TYW1B: variants seen among roughly 807,000 people sequenced by gnomAD.
TYW1B encodes the protein tRNA-yW synthesizing protein 1 homolog B, also known as S-adenosyl-L-methionine-dependent tRNA 4-demethylwyosine synthase TYW1B.
In TYW1B, 73 loss-of-function variants were observed where a neutral mutation model predicts 86.9. The ratio of observed to expected loss-of-function variants is 0.84; its 90% CI spans 0.70 to 1.02. The LOEUF is 1.02. TYW1B is among the 50% of genes least tolerant of loss of function. The probability of loss-of-function intolerance (pLI) is 0.00; values close to 1 mark genes in which losing one functional copy is unlikely to be tolerated. For synonymous variants in TYW1B, 248 were observed against 292.8 expected, an observed-to-expected ratio of 0.85 and a Z score of 1.56; for missense variants, 637 against 827.4, an observed-to-expected ratio of 0.77 and a Z score of 2.82.
chr7:72,806,640 T>C (rs1788500156), intron 5 of TYW1B, among the ~76,000 whole-genome samples: 1 of 151,852 alleles, frequency 6.6e-6, no homozygotes, highest in Admixed American at 6.6e-5. Flanking sequence ...CTTCCTTCTT[T>C]TTTTGTTATT....
chr7:72,755,680 A>G (rs1014244302), intron 7 of TYW1B, among the ~76,000 whole-genome samples: 2 of 152,170 alleles, frequency 1.3e-5, no homozygotes, highest in African/African-American at 4.8e-5. Flanking sequence ...AAAGAAGGGA[A>G]GCGTCATCTG....
chr7:72,743,260 A>G (rs1235157981), intron 8 of TYW1B, among the ~76,000 whole-genome samples: 2 of 152,170 alleles, frequency 1.3e-5, no homozygotes, highest in African/African-American at 4.8e-5. Flanking sequence ...AGACGGCTGA[A>G]GGACAGAAGC....
intron 7 of TYW1B, among the ~76,000 whole-genome samples, chr7:72,775,504 G>A (rs118071915): frequency 1.6e-4 from 25 of 152,264 alleles, no homozygotes; most frequent in East Asian, 3.9e-4. Context: ...TGAGCAAGAG[G>A]ACAGTGCAGT....
chr7:72,609,328 G>C (rs1811876544), intron 13 of TYW1B, among the ~76,000 whole-genome samples: 1 of 152,156 alleles, frequency 6.6e-6, no homozygotes, highest in African/African-American at 2.4e-5. Flanking sequence ...GGAGGCCGAG[G>C]TGGGAGGGCT....
rs547736877 is a variant in TYW1B at position 72,712,802 on chromosome 7, G to A, written c.1370+819C>T. On this transcript the variant is annotated intron_variant, in intron 10 of 13. Transcript: ENST00000620995. ...GGAAGCAAGATCTTTCCAAGGGACC[G>A]CATTTGAAGTCCTAGACCATCTAAT... Among the ~76,000 whole-genome samples, 9 of 152,178 alleles carry A rather than the reference G, an allele frequency of 5.9e-5. No homozygotes were observed. In the East Asian group the frequency reaches 7.7e-4, roughly 13 times the overall value.
chr7:72,576,565 T>C (rs1171364841), intron 13 of TYW1B, among the ~76,000 whole-genome samples: 1 of 143,980 alleles, frequency 6.9e-6, no homozygotes, highest in African/African-American at 2.6e-5. Flanking sequence ...CAGGCTGGAG[T>C]GTAGTGGCCT....
intron 11 of TYW1B, among the ~76,000 whole-genome samples, chr7:72,683,736 G>A (rs1813938947): frequency 6.6e-6 from 1 of 152,102 alleles, no homozygotes; most frequent in Admixed American, 6.6e-5. Context: ...ACACTAAAAG[G>A]CAAAAAGCAA....
chr7:72,603,318 TAGATGATG>T (rs1563026162), intron 13 of TYW1B, among the ~76,000 whole-genome samples: 2 of 128,626 alleles, frequency 1.6e-5, no homozygotes, highest in Non-Finnish European at 1.6e-5. Context: ...GATGGACAGA[TAGATGATG>T]GATGGATGGA....
chr7:72,641,895 T>C (rs1554441494), intron 11 of TYW1B, among the ~76,000 whole-genome samples: 1 of 152,128 alleles, frequency 6.6e-6, no homozygotes, highest in Non-Finnish European at 1.5e-5. Flanking sequence ...CCAAAATGCA[T>C]ATGGAAATGC....
chr7:72,696,623 A>G (rs1293689858), intron 10 of TYW1B, among the ~76,000 whole-genome samples: 1 of 152,174 alleles, frequency 6.6e-6, no homozygotes, highest in Non-Finnish European at 1.5e-5. Context: ...ACACAGGCAG[A>G]TATTAAAGCT....
At chr7:72,593,307 G>A (rs79428570) in intron 13 of TYW1B, among the ~76,000 whole-genome samples, 13 of 129,690 alleles carry the variant, frequency 1.0e-4, no homozygotes, top group South Asian at 4.5e-4. Context: ...AAAAGAAAAA[G>A]AAAGAAAGAA....
At chr7:72,811,919 CA>C (rs66698234) in intron 3 of TYW1B, among the ~76,000 whole-genome samples, 76,411 of 108,326 alleles carry the variant, frequency 0.71, 24,741 homozygotes, top group Middle Eastern at 0.78. Flanking sequence ...GACTCCATCT[CA>C]AAAAAAAAAA....
intron 13 of TYW1B, among the ~76,000 whole-genome samples, chr7:72,614,678 T>G (rs1554436540): frequency 1.3e-5 from 2 of 151,284 alleles, no homozygotes; most frequent in South Asian, 4.2e-4. Flanking sequence ...AGTACCTACC[T>G]TGTAGGGATG....
intron 13 of TYW1B, among the ~76,000 whole-genome samples, chr7:72,582,565 T>C (rs1554429773): frequency 6.6e-6 from 1 of 152,202 alleles, no homozygotes; most frequent in Non-Finnish European, 1.5e-5. Context: ...CTCCTAGAAG[T>C]TGCGTTTCCT....
intron 6 of TYW1B, among the ~76,000 whole-genome samples, chr7:72,796,978 A>C: frequency 6.7e-6 from 1 of 149,592 alleles, no homozygotes; most frequent in East Asian, 2.0e-4. Flanking sequence ...TAATTTTTGT[A>C]TTTTTTTTAA....
chr7:72,607,739 A>G (rs1811838359), intron 13 of TYW1B, among the ~76,000 whole-genome samples: 1 of 152,126 alleles, frequency 6.6e-6, no homozygotes, highest in African/African-American at 2.4e-5. Flanking sequence ...CATTTGTGTC[A>G]TCAGAGATCT....
At chr7:72,607,021 G>A (rs1198169683) in intron 13 of TYW1B, among the ~76,000 whole-genome samples, 1 of 152,162 alleles carries the variant, frequency 6.6e-6, no homozygotes, top group Non-Finnish European at 1.5e-5. Flanking sequence ...ATGCCAACGT[G>A]GTATGTGTGT....
chr7:72,576,109 C>G (rs111713505), intron 13 of TYW1B, among the ~76,000 whole-genome samples: 8 of 152,332 alleles, frequency 5.3e-5, no homozygotes, highest in African/African-American at 1.4e-4. Context: ...AACAGCATCT[C>G]GTGGAATCCT....
intron 10 of TYW1B, among the ~76,000 whole-genome samples, chr7:72,713,164 G>C (rs2129570712): frequency 6.6e-6 from 1 of 151,474 alleles, no homozygotes; most frequent in South Asian, 2.1e-4. Context: ...AGCTGGGCAT[G>C]GTGCCAGGCA....
Sources: gnomAD v4.1 joint callset for allele counts (sites outside exome capture counted in the v4.1 genomes callset) on GRCh38, gnomAD v4.1.1 for gene constraint, MANE v1.5 for transcripts, NCBI Gene and HGNC (gene_info 2026-07-23, HGNC 2026-07-21) for gene names.